The following SLC36A1 variants were observed in gnomAD, a reference collection of about 807,000 sequenced individuals.
The protein encoded by SLC36A1 is proton-coupled amino acid transporter 1.
In SLC36A1, 30 loss-of-function variants were observed where a neutral mutation model predicts 47.5. That is an observed-to-expected ratio of 0.63 (90% CI 0.47 to 0.86). SLC36A1 has a LOEUF of 0.86. Ranked by LOEUF, SLC36A1 falls within the 40% of genes least tolerant of loss-of-function variation. SLC36A1 has a pLI of 0.00. For missense variants in SLC36A1, 517 were observed against 606.0 expected, an observed-to-expected ratio of 0.85 and a Z score of 1.54; for synonymous variants, 255 against 249.7, an observed-to-expected ratio of 1.02 and a Z score of -0.20.
the SLC36A1 span, chr5:151,512,103 T>C: frequency 6.6e-7 from 1 of 1,516,786 alleles, no homozygotes; most frequent in Non-Finnish European, 9.0e-7. This position sits in a 1 kb window ranked among gnomAD's most constrained non-coding sequence, Gnocchi z 4.1. Context: ...CTGACATGCT[T>C]TTCCCACCTG....
chr5:151,369,821 G>T, the SLC36A1 span, among the ~76,000 whole-genome samples: 2 of 150,514 alleles, frequency 1.3e-5, no homozygotes, highest in Non-Finnish European at 1.5e-5. Flanking sequence ...TTGAGACAGA[G>T]TCTCCCTCTG....
At chr5:151,527,666 A>G in the SLC36A1 span, among the ~76,000 whole-genome samples, 1 of 152,214 alleles carries the variant, frequency 6.6e-6, no homozygotes, top group Non-Finnish European at 1.5e-5. Context: ...ATCAAATGGC[A>G]TAAATCCTTA....
chr5:151,543,376 T>C, the SLC36A1 span: 2 of 1,614,062 alleles, frequency 1.2e-6, no homozygotes, highest in Non-Finnish European at 1.7e-6. Context: ...TGCTTTGAAC[T>C]GTGGGGGGTT....
chr5:151,506,992 C>T, the SLC36A1 span, among the ~76,000 whole-genome samples: 2 of 152,232 alleles, frequency 1.3e-5, no homozygotes, highest in African/African-American at 2.4e-5. Flanking sequence ...GTATCTGCTC[C>T]AGCATCCGTG....
At chr5:151,529,059 G>A in the SLC36A1 span, 4 of 815,818 alleles carry the variant, frequency 4.9e-6, no homozygotes, top group African/African-American at 5.1e-5. Flanking sequence ...TCAGAGTCAA[G>A]TCTACAGTGT....
chr5:151,510,424 A>G, the SLC36A1 span: 4 of 398,346 alleles, frequency 1.0e-5, no homozygotes, highest in East Asian at 1.8e-4. Context: ...AAACAGGATA[A>G]CAACCATAGA....
At chr5:151,381,043 A>G in the SLC36A1 span, 1 of 409,520 alleles carries the variant, frequency 2.4e-6, no homozygotes, top group Non-Finnish European at 4.8e-6. Context: ...GGGAGGTGTC[A>G]GTGGACAGAG....
At chr5:151,538,732 C>T in the SLC36A1 span, among the ~76,000 whole-genome samples, 2 of 152,182 alleles carry the variant, frequency 1.3e-5, no homozygotes, top group Admixed American at 6.5e-5. Context: ...GGCTTGAGTG[C>T]AGTGGCACGA....
At chr5:151,527,798 C>T in the SLC36A1 span, among the ~76,000 whole-genome samples, 20 of 152,276 alleles carry the variant, frequency 1.3e-4, no homozygotes, top group African/African-American at 3.1e-4. Flanking sequence ...GGGAAGGTTA[C>T]GGGGTCACTC....
chr5:151,498,312 A>T, the SLC36A1 span, among the ~76,000 whole-genome samples: 1 of 152,200 alleles, frequency 6.6e-6, no homozygotes, highest in Non-Finnish European at 1.5e-5. Context: ...TGGATACTAC[A>T]CAATGAGCTG....
intron 1 of SLC36A1, among the ~76,000 whole-genome samples, chr5:151,454,126 CTT>C (rs925968565): frequency 1.0e-5 from 1 of 95,980 alleles, no homozygotes; most frequent in Admixed American, 1.2e-4. Flanking sequence ...AACTTGCAGA[CTT>C]TTTTTACTCA....
intron 1 of SLC36A1, among the ~76,000 whole-genome samples, chr5:151,454,750 T>A (rs1754237566): frequency 7.0e-6 from 1 of 142,258 alleles, no homozygotes; most frequent in Non-Finnish European, 1.5e-5. Flanking sequence ...TCTCGCTCTG[T>A]CGCCCAGGCT....
At chr5:151,541,976 T>C in the SLC36A1 span, among the ~76,000 whole-genome samples, 2 of 152,198 alleles carry the variant, frequency 1.3e-5, no homozygotes, top group Non-Finnish European at 2.9e-5. Flanking sequence ...CCTCCATCTT[T>C]CAAAAGACAA....
downstream of SLC36A1, among the ~76,000 whole-genome samples, chr5:151,497,309 T>C (rs1177476696): frequency 6.6e-6 from 1 of 152,240 alleles, no homozygotes; most frequent in Non-Finnish European, 1.5e-5. Context: ...GAATGAGTAC[T>C]GAATTTTGTC....
chr5:151,505,761 C>A, the SLC36A1 span: 15 of 1,613,690 alleles, frequency 9.3e-6, no homozygotes, highest in African/African-American at 2.7e-5. Context: ...GGGCCCTCCC[C>A]CTCCCTGCCG....
In SLC36A1 at chr5:151,458,902, C is replaced by G. The variant is rs1315258803; in HGVS notation, c.110C>G (p.Ser37Cys). 6.2e-7 allele frequency: 1 copy of G among 1,613,656 alleles called. No individual in the cohort carries two copies. The highest frequency in any genetic ancestry group is 8.5e-7 in the Non-Finnish European group (1 of 1,179,912). Residue 37 changes from serine (S) to cysteine (C), a missense_variant, in exon 2 of 11, where the codon TCC becomes TGC. Transcript: ENST00000243389. ...EGLNNLSSPG[S>C]YQRFGQSNST... is the part of the protein sequence containing the mutation. ...CTCAACAACCTCTCCTCCCCGGGCT[C>G]CTACCAGCGCTTTGGTCAAAGCAAT...
At chr5:151,446,115 C>A (rs185049948), upstream of SLC36A1, among the ~76,000 whole-genome samples, 824 of 152,268 alleles carry the variant, frequency 5.4e-3, 9 homozygotes, top group Admixed American at 0.011. Context: ...TTGCTATAAA[C>A]TTCTCTCTTA....
At position 151,481,936 on chromosome 5, in the gene SLC36A1, T is replaced by C. The variant is rs192753716; in HGVS notation, c.1159+2447T>C. Among the ~76,000 whole-genome samples, 20 of 152,340 alleles carry C rather than the reference T, an allele frequency of 1.3e-4. No homozygotes were observed. In the East Asian group the frequency reaches 3.9e-3, roughly 29 times the overall value. On this transcript the variant is annotated intron_variant, in intron 10 of 10. Transcript: ENST00000243389. The stretch of plus-strand genomic sequence containing the variant: ...TCTGGAGTTGTAGGATCAACGGTTT[T>C]TTAGATTTCTTTGGAGCAATAACCC...
intron 1 of SLC36A1, among the ~76,000 whole-genome samples, chr5:151,453,300 C>T (rs1036798489): frequency 6.6e-6 from 1 of 151,526 alleles, no homozygotes; most frequent in Non-Finnish European, 1.5e-5. Flanking sequence ...TTTTCCTTGA[C>T]GTATGTTTCA....
Sources: gnomAD v4.1 joint callset for allele counts (sites outside exome capture counted in the v4.1 genomes callset) on GRCh38, gnomAD v4.1.1 for gene constraint, Gnocchi (gnomAD v3.1) non-coding constraint, MANE v1.5 for transcripts, NCBI Gene and HGNC (gene_info 2026-07-23, HGNC 2026-07-21) for gene names.